FSTL4: variants seen among roughly 807,000 people sequenced by gnomAD.
The protein encoded by FSTL4 is follistatin-related protein 4.
Under a neutral mutation model 78.2 loss-of-function variants are expected in FSTL4, and 28 were observed. The observed-to-expected ratio is 0.36, with a 90% CI of 0.27 to 0.49. FSTL4 has a LOEUF of 0.49. FSTL4 is among the 20% of genes least tolerant of loss of function. The pLI is 0.98. For synonymous variants in FSTL4, 422 were observed against 440.5 expected (o/e 0.96, Z 0.53); for missense variants, 922 against 1,084.9 (o/e 0.85, Z 2.11).
chr5:133,582,343 T>G (rs1367355916), intron 2 of FSTL4, among the ~76,000 whole-genome samples: 1 of 152,186 alleles, frequency 6.6e-6, no homozygotes, highest in Non-Finnish European at 1.5e-5. Context: ...AGCTTCAGTT[T>G]CCTCATCTGC....
intron 12 of FSTL4, among the ~76,000 whole-genome samples, chr5:133,219,370 T>G (rs1176217532): frequency 6.6e-6 from 1 of 152,234 alleles, no homozygotes; most frequent in East Asian, 1.9e-4. Flanking sequence ...CCAACTTGCC[T>G]ATGAGACAAC....
intron 3 of FSTL4, among the ~76,000 whole-genome samples, chr5:133,402,677 A>T (rs1263856918): frequency 6.6e-6 from 1 of 152,250 alleles, no homozygotes; most frequent in Non-Finnish European, 1.5e-5. Context: ...AAAAAAAATC[A>T]GTTATCGGCA....
At chr5:133,622,876 T>C in the FSTL4 span, among the ~76,000 whole-genome samples, 1 of 152,156 alleles carries the variant, frequency 6.6e-6, no homozygotes, top group Non-Finnish European at 1.5e-5. Flanking sequence ...ACTTAACGGG[T>C]CTTCTGCAGA....
At position 133,406,068 on chromosome 5, in the gene FSTL4, T is replaced by C. The variant is rs1279036272; in HGVS notation, c.161-5082A>G. ...CTGGCAAACAAAAAAACAAGACAAG[T>C]GTAGATGGTGTTAAATGCGAGGAAG... On this transcript the variant is annotated intron_variant, in intron 3 of 15. Transcript: ENST00000265342. Among the ~76,000 whole-genome samples, 3 of 151,872 alleles carry C rather than the reference T, an allele frequency of 2.0e-5. 1 individual carries two copies. Among genetic ancestry groups the C allele is most frequent in the African/African-American group, 7.3e-5 (3 of 41,312 alleles).
chr5:133,330,972 C>G (rs1428037631), intron 4 of FSTL4, among the ~76,000 whole-genome samples: 2 of 152,198 alleles, frequency 1.3e-5, no homozygotes, highest in Non-Finnish European at 2.9e-5. Flanking sequence ...TGTGCAAGCT[C>G]TGCCAGCATG....
chr5:133,735,358 G>A, the FSTL4 span, among the ~76,000 whole-genome samples: 1 of 152,136 alleles, frequency 6.6e-6, no homozygotes, highest in Admixed American at 6.5e-5. Flanking sequence ...CAGTTATTCA[G>A]GAGGCTGAGG....
rs1381312684 is a variant in FSTL4, at chr5:133,197,831, GT to G, written c.*1263del. On this transcript the variant is annotated 3_prime_UTR_variant, in exon 16 of 16. Coordinates refer to ENST00000265342, the MANE Select transcript of FSTL4 (RefSeq NM_015082.2). ...AGGCGGTCTCCAGAGGGCTATGTGG[GT>G]TGTACTTCTTCGATGCCCATGTGAG... 6.6e-6 allele frequency: 1 copy of G among 152,304 alleles called. No individual in the cohort carries two copies. The highest frequency in any genetic ancestry group is 1.5e-5 in the Non-Finnish European group (1 of 68,098). 9.4% of individuals were successfully genotyped at this position (152,304 alleles called of 1,614,324 possible).
intron 4 of FSTL4, among the ~76,000 whole-genome samples, chr5:133,331,706 A>G (rs899308347): frequency 1.3e-5 from 2 of 152,194 alleles, no homozygotes; most frequent in Non-Finnish European, 2.9e-5. Context: ...ATTTATCTTA[A>G]CCTCTCGGAC....
intron 13 of FSTL4, among the ~76,000 whole-genome samples, 175 bp from the exon 14 acceptor site, chr5:133,210,473 ATTATTATT>A (rs1177869332): frequency 1.1e-4 from 4 of 37,940 alleles, no homozygotes; most frequent in Non-Finnish European, 1.7e-4. Flanking sequence ...CAGAGGCATT[ATTATTATT>A]ATTATTATTA....
In FSTL4 at chr5:133,316,447, C is replaced by CA. The variant is rs1205833991; in HGVS notation, c.603+11dup. On this transcript the variant is annotated intron_variant, in intron 5 of 15. Coordinates refer to ENST00000265342, the MANE Select transcript of FSTL4 (RefSeq NM_015082.2). Reference sequence around the variant, plus strand: ...CCTCCATCATGTGACTTTCACTGAACACGATGCCCACCTGAGCCAGTTCGG... The same window carrying CA: ...CCTCCATCATGTGACTTTCACTGAACAACGATGCCCACCTGAGCCAGTTCGG... 1.9e-6 allele frequency: 3 copies of CA among 1,607,014 alleles called. No homozygotes were observed. The African/African-American group carries it at 4.0e-5, about 21-fold the overall frequency.
chr5:133,364,016 C>T (rs1258342434), intron 4 of FSTL4, among the ~76,000 whole-genome samples: 1 of 152,192 alleles, frequency 6.6e-6, no homozygotes, highest in Non-Finnish European at 1.5e-5. Flanking sequence ...TTTAGCCCAC[C>T]TCTGGGCCCT....
chr5:133,367,804 G>A (rs531218562), intron 4 of FSTL4, among the ~76,000 whole-genome samples: 5 of 152,366 alleles, frequency 3.3e-5, no homozygotes, highest in East Asian at 3.9e-4. Flanking sequence ...TAAAGAGCCT[G>A]CCAGCTATGA....
At chr5:133,788,632 G>A in the FSTL4 span, among the ~76,000 whole-genome samples, 26 of 152,260 alleles carry the variant, frequency 1.7e-4, no homozygotes, top group Non-Finnish European at 2.2e-4. Flanking sequence ...TCTCTCTCGC[G>A]GCAAACACAA....
At chr5:133,226,597 T>C (rs1751342454) in intron 8 of FSTL4, among the ~76,000 whole-genome samples, 1 of 152,206 alleles carries the variant, frequency 6.6e-6, no homozygotes, top group Non-Finnish European at 1.5e-5. Flanking sequence ...TTAGTGGAAT[T>C]GAGGGTTCTT....
intron 4 of FSTL4, among the ~76,000 whole-genome samples, chr5:133,344,847 T>G (rs1171198511): frequency 6.6e-6 from 1 of 152,234 alleles, no homozygotes; most frequent in East Asian, 1.9e-4. Context: ...CCACAAGTCC[T>G]GCCGGGGTTT....
chr5:133,262,711 T>C (rs181843102), intron 6 of FSTL4, among the ~76,000 whole-genome samples: 106 of 152,318 alleles, frequency 7.0e-4, no homozygotes, highest in East Asian at 2.5e-3. Context: ...TTGACACTTA[T>C]GTGATTTTTT....
the FSTL4 span, among the ~76,000 whole-genome samples, chr5:133,677,907 G>A: frequency 1.3e-5 from 2 of 152,180 alleles, no homozygotes; most frequent in Non-Finnish European, 2.9e-5. Flanking sequence ...CACTCTCATG[G>A]AGCTCACATT....
the FSTL4 span, among the ~76,000 whole-genome samples, chr5:133,662,733 T>C: frequency 6.6e-6 from 1 of 152,134 alleles, no homozygotes; most frequent in Non-Finnish European, 1.5e-5. Context: ...GGGCTGTGCT[T>C]ACTGTGAACG....
intron 3 of FSTL4, among the ~76,000 whole-genome samples, chr5:133,518,572 T>C (rs1758909963): frequency 6.6e-6 from 1 of 152,238 alleles, no homozygotes; most frequent in African/African-American, 2.4e-5. Context: ...TTTGACACTA[T>C]AGTTCTAAAG....
Sources: allele counts gnomAD v4.1 joint callset (sites outside exome capture counted in the v4.1 genomes callset), GRCh38; gene constraint gnomAD v4.1.1; transcripts MANE v1.5; gene names NCBI Gene and HGNC (gene_info 2026-07-23, HGNC 2026-07-21).